The following PLA2G4F variants were observed in gnomAD, a reference collection of about 807,000 sequenced individuals.
PLA2G4F encodes the protein phospholipase A2 group IVF, also known as cytosolic phospholipase A2 zeta.
In PLA2G4F, 105 loss-of-function variants were observed where a neutral mutation model predicts 103.1. That is an observed-to-expected ratio of 1.02 (90% CI 0.87 to 1.20). The LOEUF (loss-of-function observed/expected upper bound fraction) is 1.20. Among genes scored for constraint, PLA2G4F ranks in the 50% most tolerant of loss-of-function variants. The probability of loss-of-function intolerance (pLI) is 0.00; values close to 1 mark genes in which losing one functional copy is unlikely to be tolerated. For missense variants in PLA2G4F, 1,155 were observed against 1,075.9 expected, an observed-to-expected ratio of 1.07 and a Z score of -1.03; for synonymous variants, 468 against 441.1, an observed-to-expected ratio of 1.06 and a Z score of -0.76.
At chr15:42,147,100 A>G in intron 13 of PLA2G4F, 24 bp downstream of exon 13, 1 of 1,599,808 alleles carries the variant, frequency 6.3e-7, no homozygotes, top group Admixed American at 1.7e-5. Flanking sequence ...GAGCCTACGT[A>G]TTTCCTTCTG....
intron 11 of PLA2G4F, chr15:42,148,713 C>T (rs2048920150): frequency 9.1e-6 from 9 of 985,274 alleles, no homozygotes; most frequent in Non-Finnish European, 1.1e-5. Context: ...GTCTCAGGAT[C>T]GGAGGTGCCT....
rs2048944451 is a variant in PLA2G4F, at chr15:42,150,409, TAGGGGCA to T, written c.842_848del (p.Leu281GlnfsTer19). 1.2e-6 allele frequency: 2 copies of T among 1,612,782 alleles called. No homozygotes were observed. The highest frequency in any genetic ancestry group is 1.7e-5 in the Admixed American group (1 of 59,910). ...CCACAGAACACTGTTCCTCCTGGCC[TAGGGGCA>T]GAGAGGAGAGCAGGATGCCCCCCTC... is the stretch of plus-strand genomic sequence containing the variant. On this transcript the variant is annotated frameshift_variant, in exon 9 of 20. Coordinates refer to ENST00000397272, the MANE Select transcript of PLA2G4F (RefSeq NM_213600.4). LOFTEE classifies it high-confidence loss of function.
chr15:42,146,355 T>A, intron 13 of PLA2G4F, 114 bp from the exon 14 acceptor site: 1 of 990,502 alleles, frequency 1.0e-6, no homozygotes, highest in Non-Finnish European at 1.5e-6. Flanking sequence ...AGGCTTTGGG[T>A]CGCCAAGGCC....
intron 16 of PLA2G4F, 85 bp from the exon 17 acceptor site, chr15:42,144,729 C>A (rs2048863921): frequency 1.5e-6 from 2 of 1,328,540 alleles, no homozygotes; most frequent in African/African-American, 3.0e-5. Flanking sequence ...GGTGCCCCTC[C>A]CCAACAGTGA....
At chr15:42,144,720 G>A (rs1566878064) in intron 16 of PLA2G4F, 76 bp from the exon 17 acceptor site, 1 of 1,390,754 alleles carries the variant, frequency 7.2e-7, no homozygotes, top group Non-Finnish European at 9.5e-7. Context: ...TAGTTCAGGG[G>A]TGCCCCTCCC....
In PLA2G4F at chr15:42,155,519, A is replaced by G. The variant is rs1566883065; in HGVS notation, c.182T>C (p.Leu61Pro). Reference protein sequence around the residue: ...LRATNIRGTDLLSKADCYVQL... With the variant: ...LRATNIRGTDPLSKADCYVQL... ...AGGATGGAGATGGGGTCACTCACGCAGGTCTGTGCCCCGGATGTTTGTGGC... is the reference window on the plus strand; with the variant it reads ...AGGATGGAGATGGGGTCACTCACGCGGGTCTGTGCCCCGGATGTTTGTGGC... Residue 61 changes from leucine to proline, a missense_variant and splice_region_variant, in exon 2 of 20, where the codon CTG (leucine) becomes CCG (proline). Around this residue, in one of 3 missense-constraint regions of PLA2G4F, gnomAD observed 370 missense variants for 364.9 expected, o/e 1.01. Coordinates refer to ENST00000397272, the MANE Select transcript of PLA2G4F (RefSeq NM_213600.4). 6.2e-7 allele frequency: 1 copy of G among 1,613,990 alleles called. No homozygotes were observed. Among genetic ancestry groups the G allele is most frequent in the Admixed American group, 1.7e-5 (1 of 60,014 alleles).
rs542774703 is a variant in PLA2G4F, at chr15:42,146,028, G to T, written c.1534+99C>A. ...AGCCCCGCTGTGCTCCAAGGTGCCT[G>T]TGTGCAACCACCTCCTCTGGGTACC... On this transcript the variant is annotated intron_variant, in intron 14 of 19. Transcript: ENST00000397272. 2.5e-6 allele frequency: 4 copies of T among 1,578,932 alleles called. No homozygotes were observed. In the East Asian group the frequency reaches 9.0e-5, roughly 35 times the overall value.
chr15:42,143,392 C>T (rs1171230994), intron 18 of PLA2G4F, among the ~76,000 whole-genome samples: 1 of 152,126 alleles, frequency 6.6e-6, no homozygotes, highest in African/African-American at 2.4e-5. Context: ...GCGACAATCA[C>T]AGAAGGTCCA....
intron 9 of PLA2G4F, 58 bp downstream of exon 9, chr15:42,150,315 C>G: frequency 6.4e-7 from 1 of 1,553,924 alleles, no homozygotes; most frequent in East Asian, 2.3e-5. Context: ...CTCCAGACCT[C>G]TCTTGGTGGT....
chr15:42,141,005 G>A lies in PLA2G4F; in HGVS notation c.*979C>T, dbSNP rs2048823124. 8.8e-6 allele frequency: 3 copies of A among 342,530 alleles called. No homozygotes were observed. Among genetic ancestry groups the A allele is most frequent in the Non-Finnish European group, 1.7e-5 (3 of 172,958 alleles). The allele number at this position is 342,530 out of a possible 1,614,324, so 21.2% of individuals were successfully genotyped here. On this transcript the variant is annotated 3_prime_UTR_variant, in exon 20 of 20. Coordinates refer to ENST00000397272, the MANE Select transcript of PLA2G4F (RefSeq NM_213600.4). The stretch of plus-strand genomic sequence containing the variant: ...GGCGGGTCAGGGGAAATGGAGAAGA[G>A]GGAGAGTGAGAAACAAAACTTGCCA...
At chr15:42,147,929 G>A (rs191664398) in intron 11 of PLA2G4F, 167 bp from the exon 12 acceptor site, 131 of 679,158 alleles carry the variant, frequency 1.9e-4, no homozygotes, top group African/African-American at 1.5e-3. Context: ...AGTGGCTCAC[G>A]CCTGTAATCC....
intron 16 of PLA2G4F, 136 bp downstream of exon 16, chr15:42,145,439 G>T: frequency 2.3e-6 from 2 of 865,028 alleles, no homozygotes; most frequent in Non-Finnish European, 3.7e-6. Context: ...TAAGCTAGAA[G>T]TCATTTCCTC....
chr15:42,142,295 C>A, intron 19 of PLA2G4F, 91 bp from the exon 20 acceptor site: 2 of 1,318,974 alleles, frequency 1.5e-6, no homozygotes. Flanking sequence ...TGCAGGACAC[C>A]TGGCTGGCTC....
At chr15:42,151,117 A>G (rs1250068586) in intron 7 of PLA2G4F, 16 of 985,176 alleles carry the variant, frequency 1.6e-5, no homozygotes, top group Non-Finnish European at 1.9e-5. Flanking sequence ...AAGAATGAGC[A>G]GTTTTCAGGC....
intron 16 of PLA2G4F, 141 bp downstream of exon 16, chr15:42,145,434 T>C (rs2048871413): frequency 2.4e-6 from 2 of 829,802 alleles, no homozygotes; most frequent in South Asian, 3.2e-5. Context: ...CACCCTAAGC[T>C]AGAAGTCATT....
chr15:42,152,534 TTCACTGCCTCCAGTGAACAA>T (rs898496764), intron 7 of PLA2G4F, among the ~76,000 whole-genome samples, 134 bp downstream of exon 7: 2 of 152,222 alleles, frequency 1.3e-5, no homozygotes, highest in Non-Finnish European at 2.9e-5. Flanking sequence ...GGACAGGTTG[TTCACTGCCTCCAGTGAACAA>T]TCCATCCCAT....
chr15:42,145,451 G>C, intron 16 of PLA2G4F, 124 bp downstream of exon 16: 1 of 979,364 alleles, frequency 1.0e-6, no homozygotes, highest in South Asian at 1.5e-5. Context: ...CATTTCCTCA[G>C]GACTTCCCCG....
rs1178858380 is a variant in PLA2G4F at position 42,150,092 on chromosome 15, A to T, written c.923+12T>A. Reference sequence around the variant, plus strand: ...CAGCCCCAAGAGGCCTTCTGCCTGGAGTCCCACTCACCTCATTTCCACCTT... The same window carrying T: ...CAGCCCCAAGAGGCCTTCTGCCTGGTGTCCCACTCACCTCATTTCCACCTT... On this transcript the variant is annotated intron_variant, in intron 10 of 19. Transcript: ENST00000397272. The T allele has an allele frequency of 6.2e-7, 1 of 1,614,144 alleles. No homozygotes were observed. Among genetic ancestry groups the T allele is most frequent in the South Asian group, 1.1e-5 (1 of 91,076 alleles).
rs777488318 is a variant in PLA2G4F at position 42,144,100 on chromosome 15, C to T, written c.2020G>A (p.Asp674Asn). The T allele has an allele frequency of 6.2e-7, 1 of 1,613,864 alleles. No individual in the cohort carries two copies. The highest frequency in any genetic ancestry group is 8.5e-7 in the Non-Finnish European group (1 of 1,179,922). ...CCTCCGTCCACCAGGTACAGGCAGT[C>T]CCGCATGGGGGTGAGCTGGTTGGGG... ...AFPNQLTPMRDCLYLVDGGFA... is the reference protein window; with the variant it reads ...AFPNQLTPMRNCLYLVDGGFA... The change falls in exon 18 of 20, where the codon GAC (aspartate) becomes AAC (asparagine). Residue 674 changes from aspartate to asparagine, a missense_variant. This residue lies in a region of PLA2G4F where 782 missense variants were observed against 692.9 expected (regional missense o/e 1.13). Coordinates refer to ENST00000397272, the MANE Select transcript of PLA2G4F (RefSeq NM_213600.4).
Sources: gnomAD v4.1 joint callset for allele counts (sites outside exome capture counted in the v4.1 genomes callset) on GRCh38, gnomAD v4.1.1 for gene constraint, gnomAD v4.1.1 regional missense constraint, MANE v1.5 for transcripts, NCBI Gene and HGNC (gene_info 2026-07-23, HGNC 2026-07-21) for gene names.